The following COL4A4 variants were observed in gnomAD, a reference collection of about 807,000 sequenced individuals.
COL4A4 encodes collagen type IV alpha 4 chain, also known as collagen alpha-4(IV) chain.
Under a neutral mutation model 192.9 loss-of-function variants are expected in COL4A4, and 105 were observed. The ratio of observed to expected loss-of-function variants is 0.54; its 90% CI spans 0.46 to 0.64. The LOEUF (loss-of-function observed/expected upper bound fraction) is 0.64, where lower values mean the gene tolerates loss of function less well. Among genes scored for constraint, COL4A4 ranks in the 30% least tolerant of loss-of-function variants. The probability of loss-of-function intolerance (pLI) is 0.00; values close to 1 mark genes in which losing one functional copy is unlikely to be tolerated. For synonymous variants in COL4A4, 762 were observed against 769.9 expected (o/e 0.99, Z 0.17); for missense variants, 1,967 against 2,169.3 (o/e 0.91, Z 1.85).
Position 227,042,128 on chromosome 2 carries a change from TG to T in COL4A4, c.3505+19del. The T allele has an allele frequency of 6.9e-7, 1 of 1,454,878 alleles. No individual in the cohort carries two copies. Among genetic ancestry groups the T allele is most frequent in the East Asian group, 2.3e-5 (1 of 44,148 alleles). 90.1% of individuals were successfully genotyped at this position (1,454,878 alleles called of 1,614,324 possible). A position where few individuals can be genotyped will look rare whatever the true frequency, so the allele number is the denominator to read the frequency against. ...ATTGGGCTGCATCTTTCTTGTGGGATGGGCTTCATTTTGACTTACCTTTTAT... is the reference window on the plus strand; with the variant it reads ...ATTGGGCTGCATCTTTCTTGTGGGATGGCTTCATTTTGACTTACCTTTTAT... On this transcript the variant is annotated intron_variant, in intron 37 of 47. Transcript: ENST00000396625.
At position 227,103,213 on chromosome 2, in the gene COL4A4, A is replaced by C. The variant is rs1181752961; in HGVS notation, c.817-16T>G. On this transcript the variant is annotated splice_polypyrimidine_tract_variant and intron_variant, in intron 13 of 47. Coordinates refer to ENST00000396625, the MANE Select transcript of COL4A4 (RefSeq NM_000092.5). ...CTTTTATACCCTAAAAATTACAATG[A>C]ATATAATTTGGTCTATTCTTATTAT... 2 of 1,602,898 alleles carry C rather than the reference A, an allele frequency of 1.2e-6. No individual in the cohort carries two copies. Among genetic ancestry groups the C allele is most frequent in the East Asian group, 2.2e-5 (1 of 44,806 alleles).
chr2:227,057,505 A>G lies in COL4A4; in HGVS notation c.2479T>C (p.Ser827Pro). The change falls in exon 29 of 48, where the codon TCC (serine) becomes CCC (proline). Residue 827 changes from serine (S) to proline (P), a missense_variant. Coordinates refer to ENST00000396625, the MANE Select transcript of COL4A4 (RefSeq NM_000092.5). ...FPGVPGPPGH[S>P]CERGAPGIPG... ...ATCCCTGGAGCACCTCTTTCACAGG[A>G]ATGGCCAGGTGGACCTGGGACACCT... 6.2e-7 allele frequency: 1 copy of G among 1,613,414 alleles called. No individual in the cohort carries two copies. Among genetic ancestry groups the G allele is most frequent in the Non-Finnish European group, 8.5e-7 (1 of 1,179,796 alleles).
At chr2:227,128,828 A>G (rs770342219) in intron 4 of COL4A4, among the ~76,000 whole-genome samples, 27 of 152,064 alleles carry the variant, frequency 1.8e-4, no homozygotes, top group Non-Finnish European at 2.5e-4. Context: ...GCAACCGTCA[A>G]TGAATCTTCT....
At chr2:227,088,223 A>G (rs2150589134) in intron 22 of COL4A4, among the ~76,000 whole-genome samples, 1 of 152,310 alleles carries the variant, frequency 6.6e-6, no homozygotes, top group South Asian at 2.1e-4. Flanking sequence ...AGGCACCTCG[A>G]TTTTTATCTC....
the COL4A4 span, among the ~76,000 whole-genome samples, chr2:226,994,761 T>C: frequency 3.9e-5 from 6 of 152,330 alleles, no homozygotes; most frequent in East Asian, 1.9e-4. Flanking sequence ...CTTTCTTATG[T>C]AGTGATTGAA....
At chr2:227,101,694 C>T (rs2060532129) in intron 16 of COL4A4, 137 bp from the exon 17 acceptor site, 1 of 1,084,630 alleles carries the variant, frequency 9.2e-7, no homozygotes, top group African/African-American at 1.6e-5. Flanking sequence ...TTGCATCAGA[C>T]AATCTTGTGC....
downstream of COL4A4, among the ~76,000 whole-genome samples, chr2:226,999,973 A>C (rs1172326724): frequency 1.3e-5 from 2 of 152,192 alleles, no homozygotes; most frequent in Admixed American, 1.3e-4. Flanking sequence ...AAATTCTAAA[A>C]ACAAAAATCA....
At chr2:227,013,943 C>T (rs1964349087) in intron 44 of COL4A4, among the ~76,000 whole-genome samples, 1 of 152,076 alleles carries the variant, frequency 6.6e-6, no homozygotes, top group South Asian at 2.1e-4. Flanking sequence ...TGACCGAAAC[C>T]CTCTACCCTT....
chr2:227,103,234 AT>A (rs761903769), intron 13 of COL4A4, 37 bp from the exon 14 acceptor site: 5 of 1,424,718 alleles, frequency 3.5e-6, no homozygotes, highest in Non-Finnish European at 4.9e-6. Flanking sequence ...GTCTATTCTT[AT>A]TATTTAACAT....
At chr2:227,042,084 A>T in intron 37 of COL4A4, 64 bp downstream of exon 37, 2 of 1,008,024 alleles carry the variant, frequency 2.0e-6, no homozygotes, top group Non-Finnish European at 3.2e-6. Flanking sequence ...CAGGAAAAAA[A>T]CACCATCAAT....
chr2:227,084,551 AT>A (rs76957030), intron 22 of COL4A4, among the ~76,000 whole-genome samples: 46,055 of 151,974 alleles, frequency 0.3, 8,597 homozygotes, highest in South Asian at 0.41. Flanking sequence ...TTAAAGAAAC[AT>A]TTACTGAAAA....
intron 4 of COL4A4, among the ~76,000 whole-genome samples, chr2:227,125,450 C>T (rs974699539): frequency 6.6e-6 from 1 of 152,078 alleles, no homozygotes; most frequent in African/African-American, 2.4e-5. Context: ...CTCAAGTGAT[C>T]CTCCTGCCTT....
rs150350630 is a variant in COL4A4 at position 227,052,692 on chromosome 2, G to T, written c.2861-280C>A. ...CCAAACTGGTCGGGGTCTTCACTGA[G>T]GTTAAGACAGATTTGAAAAGTTCCA... On this transcript the variant is annotated intron_variant, in intron 31 of 47. Coordinates refer to ENST00000396625, the MANE Select transcript of COL4A4 (RefSeq NM_000092.5). 5.6e-3 allele frequency among the ~76,000 whole-genome samples: 821 copies of T among 147,540 alleles called. 9 individuals carry two copies. Among genetic ancestry groups the T allele is most frequent in the Non-Finnish European group, 8.7e-3 (590 of 67,504 alleles).
At chr2:227,104,261 G>A (rs1382656079) in intron 12 of COL4A4, 23 of 572,628 alleles carry the variant, frequency 4.0e-5, no homozygotes, top group African/African-American at 7.6e-5. Flanking sequence ...TTTAAAAAAT[G>A]AAAATGATTC....
chr2:226,968,518 G>A, the COL4A4 span, among the ~76,000 whole-genome samples: 1 of 152,274 alleles, frequency 6.6e-6, no homozygotes, highest in East Asian at 1.9e-4. Context: ...GCTGATTATG[G>A]ACTTTAATCA....
chr2:226,988,506 C>G, the COL4A4 span: 4 of 1,524,322 alleles, frequency 2.6e-6, no homozygotes, highest in South Asian at 1.3e-5. Context: ...TCAGGCCTTG[C>G]GAGGTGGATA....
intron 4 of COL4A4, among the ~76,000 whole-genome samples, chr2:227,137,988 T>C (rs887315661): frequency 2.0e-5 from 3 of 152,096 alleles, no homozygotes; most frequent in Admixed American, 2.0e-4. Context: ...ACTTTTAAAA[T>C]TATATTATGA....
At chr2:227,060,063 G>T in intron 27 of COL4A4, 73 bp downstream of exon 27, 1 of 877,534 alleles carries the variant, frequency 1.1e-6, no homozygotes, top group Non-Finnish European at 1.7e-6. Flanking sequence ...TCCATCGGTA[G>T]AAATGTTAAA....
chr2:227,094,033 T>G, intron 20 of COL4A4, 92 bp downstream of exon 20: 3 of 1,267,586 alleles, frequency 2.4e-6, no homozygotes, highest in Non-Finnish European at 3.3e-6. Flanking sequence ...CATATAACTT[T>G]TAAAATATTT....
Sources: gnomAD v4.1 joint callset for allele counts (sites outside exome capture counted in the v4.1 genomes callset) on GRCh38, gnomAD v4.1.1 for gene constraint, MANE v1.5 for transcripts, NCBI Gene and HGNC (gene_info 2026-07-23, HGNC 2026-07-21) for gene names.